The following XPR1 variants were observed in gnomAD, a reference collection of about 807,000 sequenced individuals.
XPR1 encodes xenotropic and polytropic retrovirus receptor 1, also known as solute carrier family 53 member 1.
A neutral mutation model predicts 87.5 loss-of-function variants in XPR1; 28 were observed. The observed-to-expected ratio is 0.32, with a 90% CI of 0.24 to 0.44. The LOEUF (loss-of-function observed/expected upper bound fraction) is 0.44, where lower values mean the gene tolerates loss of function less well. Among genes scored for constraint, XPR1 ranks in the 20% least tolerant of loss-of-function variants. The probability of loss-of-function intolerance (pLI) is 1.00; values close to 1 mark genes in which losing one functional copy is unlikely to be tolerated. For missense variants in XPR1, 559 were observed against 862.3 expected (o/e 0.65, Z 4.41); for synonymous variants, 300 against 306.1 (o/e 0.98, Z 0.21).
At position 180,840,566 on chromosome 1, in the gene XPR1, G is replaced by GTGTGTATA. The variant is rs1258711178; in HGVS notation, c.1501+3851_1501+3852insGTGTATAT. Among the ~76,000 whole-genome samples the GTGTGTATA allele has an allele frequency of 3.9e-4, 53 of 136,394 alleles. No homozygotes were observed. The East Asian group carries it at 6.5e-3, about 17-fold the overall frequency. 89.5% of individuals were successfully genotyped at this position (136,394 alleles called of 152,430 possible). A position where few individuals can be genotyped will look rare whatever the true frequency, so the allele number is the denominator to read the frequency against. ...TGTGTGTGTGTGTGTGTGTGTGTGT[G>GTGTGTATA]TATATATATATATATATATATATAA... On this transcript the variant is annotated intron_variant, in intron 11 of 14. Transcript: ENST00000367590.
chr1:180,776,411 T>C (rs1648719172), intron 2 of XPR1, among the ~76,000 whole-genome samples: 2 of 152,018 alleles, frequency 1.3e-5, no homozygotes, highest in Non-Finnish European at 2.9e-5. Context: ...ATTTTGGAAA[T>C]TGTATAATTG....
chr1:180,838,782 C>T (rs1402985852), intron 11 of XPR1, among the ~76,000 whole-genome samples: 2 of 152,030 alleles, frequency 1.3e-5, no homozygotes, highest in Admixed American at 6.5e-5. Context: ...TATAATGTAT[C>T]TTTATTTTAA....
chr1:180,722,529 C>T (rs1205238212), intron 2 of XPR1, among the ~76,000 whole-genome samples: 8 of 152,034 alleles, frequency 5.3e-5, no homozygotes, highest in African/African-American at 1.9e-4. Context: ...TCATATTGGC[C>T]TGTGGTGTAA....
At chr1:180,842,803 A>G (rs1322930418) in intron 11 of XPR1, among the ~76,000 whole-genome samples, 6 of 152,250 alleles carry the variant, frequency 3.9e-5, no homozygotes, top group African/African-American at 1.4e-4. Context: ...AGTTTCTAAC[A>G]TTCTAAAATA....
intron 3 of XPR1, among the ~76,000 whole-genome samples, chr1:180,791,735 A>T (rs1462622984): frequency 1.3e-5 from 2 of 152,222 alleles, no homozygotes; most frequent in African/African-American, 4.8e-5. Context: ...TAGTACTTGT[A>T]GTATATTGTT....
At chr1:180,813,616 G>A (rs534557168) in intron 7 of XPR1, among the ~76,000 whole-genome samples, 1 of 152,172 alleles carries the variant, frequency 6.6e-6, no homozygotes, top group Non-Finnish European at 1.5e-5. Flanking sequence ...TTGGCTGGAA[G>A]AGAAGGAGAA....
intron 6 of XPR1, among the ~76,000 whole-genome samples, chr1:180,808,416 T>C (rs1281001624): frequency 6.6e-6 from 1 of 152,108 alleles, no homozygotes; most frequent in East Asian, 1.9e-4. Context: ...CTAATGACTT[T>C]GGGTTATGCA....
intron 2 of XPR1, among the ~76,000 whole-genome samples, chr1:180,724,992 A>G (rs544660870): frequency 2.0e-5 from 3 of 152,364 alleles, no homozygotes; most frequent in South Asian, 2.1e-4. Flanking sequence ...ATGAACCTCC[A>G]TGGTGAAACA....
chr1:180,672,991 G>A (rs1195569292), intron 1 of XPR1, among the ~76,000 whole-genome samples: 1 of 152,090 alleles, frequency 6.6e-6, no homozygotes, highest in Admixed American at 6.5e-5. Context: ...CCAGTAGATT[G>A]TAAAGTGCTA....
intron 2 of XPR1, among the ~76,000 whole-genome samples, chr1:180,723,367 G>A (rs2101999623): frequency 6.6e-6 from 1 of 152,230 alleles, no homozygotes; most frequent in Admixed American, 6.5e-5. Flanking sequence ...TAACGTCAAA[G>A]TTATATACTC....
chr1:180,669,738 C>T (rs116298858), intron 1 of XPR1, among the ~76,000 whole-genome samples: 3,241 of 152,204 alleles, frequency 0.021, 55 homozygotes, highest in Middle Eastern at 0.082. Flanking sequence ...ATGGATAGTA[C>T]CAAACCCTAT....
chr1:180,805,567 A>G (rs762707115), intron 4 of XPR1, among the ~76,000 whole-genome samples: 1 of 152,156 alleles, frequency 6.6e-6, no homozygotes, highest in African/African-American at 2.4e-5. Context: ...ATGATCTTCC[A>G]TTTTCCTTAC....
At chr1:180,768,105 A>G (rs891679129) in intron 2 of XPR1, among the ~76,000 whole-genome samples, 6 of 152,102 alleles carry the variant, frequency 3.9e-5, no homozygotes, top group South Asian at 2.1e-4. Flanking sequence ...CGGCCTCCCA[A>G]CGTGCTGGGA....
chr1:180,808,287 C>CAAAA (rs77203238), intron 6 of XPR1, among the ~76,000 whole-genome samples: 1 of 126,092 alleles, frequency 7.9e-6, no homozygotes. Flanking sequence ...TTCCATATAC[C>CAAAA]AAAAAAAAAA....
chr1:180,736,108 T>C (rs1362874854), intron 2 of XPR1, among the ~76,000 whole-genome samples: 1 of 152,178 alleles, frequency 6.6e-6, no homozygotes, highest in Non-Finnish European at 1.5e-5. Flanking sequence ...TAGAAGAATA[T>C]GATGGGAATG....
intron 2 of XPR1, among the ~76,000 whole-genome samples, chr1:180,696,206 G>GTA (rs1330154532): frequency 0.011 from 1,134 of 101,936 alleles, 15 homozygotes; most frequent in East Asian, 0.06. Context: ...GTGTGTGTGT[G>GTA]TGTATATATA....
chr1:180,883,059 C>A (rs1010848862), intron 14 of XPR1, among the ~76,000 whole-genome samples: 1 of 149,068 alleles, frequency 6.7e-6, no homozygotes, highest in African/African-American at 2.5e-5. Flanking sequence ...AACTCCTGGG[C>A]TGAAATGATC....
chr1:180,820,376 A>G (rs1461310426), intron 7 of XPR1, among the ~76,000 whole-genome samples: 1 of 152,116 alleles, frequency 6.6e-6, no homozygotes, highest in Non-Finnish European at 1.5e-5. Context: ...GTCATACAAT[A>G]TGTGGTATTT....
At chr1:180,693,773 T>A (rs1351351832) in intron 2 of XPR1, among the ~76,000 whole-genome samples, 4 of 152,212 alleles carry the variant, frequency 2.6e-5, no homozygotes, top group Non-Finnish European at 5.9e-5. Context: ...AGGACATTTG[T>A]CATTGGATTT....
Sources: gnomAD v4.1 joint callset for allele counts (sites outside exome capture counted in the v4.1 genomes callset) on GRCh38, gnomAD v4.1.1 for gene constraint, MANE v1.5 for transcripts, NCBI Gene and HGNC (gene_info 2026-07-23, HGNC 2026-07-21) for gene names.